Variants in CSMD2 observed in about 807,000 individuals in gnomAD.
CSMD2 encodes the protein CUB and Sushi multiple domains 2.
Under a neutral mutation model 398.5 loss-of-function variants are expected in CSMD2, and 130 were observed. The ratio of observed to expected loss-of-function variants is 0.33; its 90% confidence interval spans 0.28 to 0.38. CSMD2 has a LOEUF of 0.38. Ranked by LOEUF, CSMD2 falls within the 10% of genes least tolerant of loss-of-function variation. The probability of loss-of-function intolerance (pLI) is 1.00; values close to 1 mark genes in which losing one functional copy is unlikely to be tolerated. For synonymous variants in CSMD2, 1,828 were observed against 1,908.5 expected, an observed-to-expected ratio of 0.96 and a Z score of 1.10; for missense variants, 3,829 against 4,764.9, an observed-to-expected ratio of 0.80 and a Z score of 5.78.
chr1:34,064,109 G>C (rs1363288456), intron 2 of CSMD2, among the ~76,000 whole-genome samples: 3 of 152,204 alleles, frequency 2.0e-5, no homozygotes, highest in African/African-American at 7.2e-5. Flanking sequence ...TTCCTCCCGG[G>C]CCTCTGGGGC....
intron 42 of CSMD2, among the ~76,000 whole-genome samples, chr1:33,604,065 G>C (rs1187371710): frequency 6.6e-6 from 1 of 152,230 alleles, no homozygotes; most frequent in African/African-American, 2.4e-5. Context: ...GAAAGCAAGA[G>C]AGTATGGTGT....
chr1:33,579,496 G>A (rs1430534950), intron 48 of CSMD2, among the ~76,000 whole-genome samples: 2 of 151,858 alleles, frequency 1.3e-5, no homozygotes, highest in African/African-American at 4.8e-5. Context: ...TTCTCCCAGG[G>A]GCCCTCAGCT....
rs1242607598 is a variant in CSMD2 at position 34,164,960 on chromosome 1, AGGCGGCGGCGTT to A, written c.126_137del (p.Thr43_Pro46del). Reference sequence around the variant, plus strand: ...ACCCACAGCCCAGCAACAGCAGCAGAGGCGGCGGCGTTGGCGGCGGCGGGCGGCCCCAGCGGC... The same window carrying A: ...ACCCACAGCCCAGCAACAGCAGCAGAGGCGGCGGCGGGCGGCCCCAGCGGC... On this transcript the variant is annotated inframe_deletion, in exon 1 of 71. Transcript: ENST00000373381. This position sits in a 1 kb window ranked among gnomAD's most constrained non-coding sequence, Gnocchi z 6.2. The A allele has an allele frequency of 1.5e-5, 18 of 1,219,940 alleles. No individual in the cohort carries two copies. Among genetic ancestry groups the A allele is most frequent in the Admixed American group, 4.3e-5 (1 of 23,162 alleles). 75.6% of individuals were successfully genotyped at this position (1,219,940 alleles called of 1,614,324 possible). A position where few individuals can be genotyped will look rare whatever the true frequency, so the allele number is the denominator to read the frequency against.
chr1:33,713,216 A>G (rs1295236147), intron 21 of CSMD2, among the ~76,000 whole-genome samples: 4 of 152,132 alleles, frequency 2.6e-5, no homozygotes, highest in African/African-American at 7.2e-5. Context: ...CTTGGCCTGC[A>G]TGAGTGCACA....
intron 3 of CSMD2, among the ~76,000 whole-genome samples, chr1:33,995,901 C>T (rs1303417970): frequency 2.0e-5 from 3 of 152,222 alleles, no homozygotes; most frequent in Non-Finnish European, 4.4e-5. Flanking sequence ...CTCCAACTAT[C>T]TTTACTGATG....
Position 33,743,480 on chromosome 1 carries a change from A to C in CSMD2, c.1973T>G (p.Leu658Arg). The C allele has an allele frequency of 6.2e-7, 1 of 1,614,166 alleles. No homozygotes were observed. The highest frequency in any genetic ancestry group is 8.5e-7 in the Non-Finnish European group (1 of 1,180,044). Residue 658 changes from leucine to arginine, a missense_variant, in exon 14 of 71, where the codon CTG (leucine) becomes CGG (arginine). Physicochemically the swap from Leu to Arg is moderately radical, Grantham distance 102 (BLOSUM62 -2). This residue lies in a region of CSMD2 where 2,001 missense variants were observed against 2,567.1 expected (regional missense o/e 0.78). Transcript: ENST00000373381. ...ILARPESRIHLAFNDIDVEPQ... is the reference protein window; with the variant it reads ...ILARPESRIHRAFNDIDVEPQ... Reference sequence around the variant, plus strand: ...CTCCACGTCAATGTCGTTGAAGGCCAGGTGGATGCGGCTCTCAGGCCTGGC... The same window carrying C: ...CTCCACGTCAATGTCGTTGAAGGCCCGGTGGATGCGGCTCTCAGGCCTGGC...
At position 33,725,455 on chromosome 1, in the gene CSMD2, G is replaced by C. The variant is rs774509837; in HGVS notation, c.2589C>G (p.His863Gln). ...TGAGGAACTGGGGAACCTGGGTCCC[G>C]TGGTAAACCCCGATCAAGGGCGCTG... is the stretch of plus-strand genomic sequence containing the variant. ...TYSAPLIGVY[H>Q]GTQVPQFLIS... Residue 863 changes from histidine (H) to glutamine (Q), a missense_variant, in exon 17 of 71, where the codon CAC becomes CAG. His to Gln is a conservative substitution (Grantham distance 24, BLOSUM62 0). Around this residue, in one of 5 missense-constraint regions of CSMD2, gnomAD observed 2,001 missense variants for 2,567.1 expected, o/e 0.78. Coordinates refer to ENST00000373381, the MANE Select transcript of CSMD2 (RefSeq NM_001281956.2). 2 of 1,614,196 alleles carry C rather than the reference G, an allele frequency of 1.2e-6. No homozygotes were observed. The highest frequency in any genetic ancestry group is 3.3e-5 in the Admixed American group (2 of 60,034).
chr1:33,828,786 C>G (rs531594444), intron 6 of CSMD2, among the ~76,000 whole-genome samples: 1 of 152,318 alleles, frequency 6.6e-6, no homozygotes, highest in African/African-American at 2.4e-5. Context: ...CCACTCATTC[C>G]TCCGCAAGGA....
intron 3 of CSMD2, among the ~76,000 whole-genome samples, chr1:34,022,672 A>T (rs1224666835): frequency 6.6e-6 from 1 of 152,180 alleles, no homozygotes. Flanking sequence ...GAGGGGACTC[A>T]GTGTGTTTGA....
intron 13 of CSMD2, among the ~76,000 whole-genome samples, chr1:33,764,490 C>G (rs150451336): frequency 1.1e-3 from 168 of 152,314 alleles, no homozygotes; most frequent in African/African-American, 3.9e-3. Context: ...AACCACAGGT[C>G]TTCAGTGTTC....
At chr1:34,140,398 C>G (rs973611621) in intron 1 of CSMD2, among the ~76,000 whole-genome samples, 1 of 151,754 alleles carries the variant, frequency 6.6e-6, no homozygotes, top group African/African-American at 2.4e-5. Flanking sequence ...GCTCTCCGAG[C>G]AAAGGCACCG....
intron 2 of CSMD2, among the ~76,000 whole-genome samples, chr1:34,075,982 C>A (rs548859120): frequency 6.6e-6 from 1 of 152,316 alleles, no homozygotes; most frequent in Non-Finnish European, 1.5e-5. Context: ...ATCTGATCAG[C>A]TTCTATTGTA....
chr1:33,553,258 G>A (rs1171783536), intron 55 of CSMD2, among the ~76,000 whole-genome samples: 1 of 152,102 alleles, frequency 6.6e-6, no homozygotes, highest in Non-Finnish European at 1.5e-5. Flanking sequence ...TCATGTCTCT[G>A]CATCACATTT....
In CSMD2 at chr1:33,666,811, C is replaced by G. The variant is rs550525737; in HGVS notation, c.4053-3719G>C. ...TCTGCTTTCTCTGTGGTGATCAATGCACTGTGAAATCAGCAGCCAAGAGGA... is the reference window on the plus strand; with the variant it reads ...TCTGCTTTCTCTGTGGTGATCAATGGACTGTGAAATCAGCAGCCAAGAGGA... On this transcript the variant is annotated intron_variant, in intron 25 of 70. Transcript: ENST00000373381. 8.1e-4 allele frequency among the ~76,000 whole-genome samples: 124 copies of G among 152,248 alleles called. 1 individual carries two copies. Among genetic ancestry groups the G allele is most frequent in the Non-Finnish European group, 4.9e-4 (33 of 68,012 alleles).
At chr1:33,623,280 A>G in intron 36 of CSMD2, 90 bp downstream of exon 36, 1 of 885,722 alleles carries the variant, frequency 1.1e-6, no homozygotes, top group South Asian at 1.5e-5. Flanking sequence ...TATAAGTGAT[A>G]TCTCAATAAT....
At chr1:33,850,778 T>C (rs1049311262) in intron 5 of CSMD2, among the ~76,000 whole-genome samples, 1 of 152,148 alleles carries the variant, frequency 6.6e-6, no homozygotes, top group Non-Finnish European at 1.5e-5. Context: ...GTAAATTGAC[T>C]TCTGTTAAGT....
intron 15 of CSMD2, among the ~76,000 whole-genome samples, chr1:33,738,202 A>G (rs1367999330): frequency 6.6e-6 from 1 of 152,182 alleles, no homozygotes; most frequent in Non-Finnish European, 1.5e-5. Context: ...TTAAGTCTCT[A>G]TCCTCTTTCT....
intron 3 of CSMD2, among the ~76,000 whole-genome samples, chr1:33,941,991 T>G (rs1269343617): frequency 1.3e-5 from 2 of 152,172 alleles, no homozygotes; most frequent in Non-Finnish European, 2.9e-5. Context: ...GACAGGCATT[T>G]TTTGGTCTTT....
chr1:33,703,288 AATCT>A (rs1489403062), intron 22 of CSMD2, among the ~76,000 whole-genome samples: 3 of 152,216 alleles, frequency 2.0e-5, no homozygotes, highest in African/African-American at 4.8e-5. Context: ...ATTTGAGAAA[AATCT>A]ATCTATGTGA....
Sources: gnomAD v4.1 joint callset for allele counts (sites outside exome capture counted in the v4.1 genomes callset) on GRCh38, gnomAD v4.1.1 for gene constraint, gnomAD v4.1.1 regional missense constraint, Gnocchi (gnomAD v3.1) non-coding constraint, MANE v1.5 for transcripts, NCBI Gene and HGNC (gene_info 2026-07-23, HGNC 2026-07-21) for gene names.